Variants in PCDH11X observed in about 807,000 individuals in gnomAD.
PCDH11X encodes protocadherin-11 X-linked.
PCDH11X carries 18 observed loss-of-function variants against 53.3 expected under a neutral mutation model. That is an observed-to-expected ratio of 0.34 (90% CI 0.23 to 0.50). The LOEUF is 0.50. Ranked by LOEUF, PCDH11X falls within the 20% of genes least tolerant of loss-of-function variation. The pLI is 0.98. For missense variants in PCDH11X, 570 were observed against 1,032.4 expected (o/e 0.55, Z 6.14); for synonymous variants, 279 against 393.3 (o/e 0.71, Z 3.44).
At chrX:92,371,537 G>C (rs1332624010) in intron 8 of PCDH11X, among the ~76,000 whole-genome samples, 1 of 110,319 alleles carries the variant, frequency 9.1e-6, no homozygotes, top group Non-Finnish European at 1.9e-5. Context: ...ACTCTCTTTT[G>C]CAAATGTGAG....
At chrX:92,207,039 T>A (rs866746300) in intron 7 of PCDH11X, among the ~76,000 whole-genome samples, 6 of 111,946 alleles carry the variant, frequency 5.4e-5, no homozygotes, top group Middle Eastern at 9.3e-3. Flanking sequence ...TAAAAATATT[T>A]TGATACATAA....
chrX:92,015,803 T>C (rs1241519111), intron 6 of PCDH11X, among the ~76,000 whole-genome samples: 1 of 111,911 alleles, frequency 8.9e-6, no homozygotes, highest in Admixed American at 9.5e-5. Context: ...TTGTCAATAT[T>C]GATATTTTGA....
chrX:91,912,116 T>C (rs1476597934), intron 6 of PCDH11X, among the ~76,000 whole-genome samples: 9 of 112,246 alleles, frequency 8.0e-5, no homozygotes, highest in African/African-American at 2.6e-4. Context: ...TACTGATTTT[T>C]GTATGTTGAT....
chrX:92,305,691 A>G (rs1955773185), intron 8 of PCDH11X, among the ~76,000 whole-genome samples: 1 of 108,742 alleles, frequency 9.2e-6, no homozygotes, highest in South Asian at 4.1e-4. Flanking sequence ...ACTTCATCAC[A>G]TCTTTTCACA....
At chrX:91,856,664 G>A (rs1173367017) in intron 5 of PCDH11X, among the ~76,000 whole-genome samples, 5 of 109,959 alleles carry the variant, frequency 4.5e-5, no homozygotes, top group African/African-American at 1.0e-4. Flanking sequence ...ATGCGTTCTC[G>A]TTGTTCAGAT....
At chrX:92,589,477 C>T (rs1466886296) in intron 10 of PCDH11X, among the ~76,000 whole-genome samples, 1 of 111,683 alleles carries the variant, frequency 9.0e-6, no homozygotes, top group Non-Finnish European at 1.9e-5. Context: ...TATTAGTTTA[C>T]TTTTTGCTTG....
At position 92,201,329 on chromosome X, in the gene PCDH11X, T is replaced by A. The variant is rs751457942; in HGVS notation, c.3034-46T>A. 4.3e-6 allele frequency: 5 copies of A among 1,176,157 alleles called. No homozygotes were observed. The East Asian group carries it at 1.5e-4, about 36-fold the overall frequency. On this transcript the variant is annotated intron_variant, in intron 6 of 10. Coordinates refer to ENST00000682573, the MANE Select transcript of PCDH11X (RefSeq NM_032968.5). The stretch of plus-strand genomic sequence containing the variant: ...ATATGAAATGTACTGTGTATTTTAC[T>A]TTTAACAAACAGCTTAAAATACTTC...
intron 6 of PCDH11X, among the ~76,000 whole-genome samples, chrX:91,945,181 ATAT>A (rs1171221218): frequency 9.5e-6 from 1 of 104,718 alleles, no homozygotes; most frequent in Non-Finnish European, 2.0e-5. Flanking sequence ...TTAAAGAAAA[ATAT>A]TATTCGGGTA....
intron 6 of PCDH11X, among the ~76,000 whole-genome samples, chrX:92,016,459 C>A (rs928867080): frequency 9.1e-6 from 1 of 109,921 alleles, no homozygotes; most frequent in African/African-American, 3.3e-5. Flanking sequence ...AGTGTAGCCA[C>A]CTTCATTAAT....
chrX:91,995,998 G>A (rs1299420309), intron 6 of PCDH11X, among the ~76,000 whole-genome samples: 3 of 106,662 alleles, frequency 2.8e-5, no homozygotes, highest in East Asian at 3.0e-4. Flanking sequence ...CCGCCACCAC[G>A]CCTGGCTAAT....
intron 4 of PCDH11X, among the ~76,000 whole-genome samples, chrX:91,813,551 T>C (rs1326679263): frequency 9.5e-6 from 1 of 105,569 alleles, no homozygotes; most frequent in Non-Finnish European, 1.9e-5. Context: ...GAAAGATATT[T>C]CTTAGAAGCA....
At chrX:92,218,876 G>T (rs1278524294) in intron 7 of PCDH11X, among the ~76,000 whole-genome samples, 1 of 111,679 alleles carries the variant, frequency 9.0e-6, no homozygotes, top group Non-Finnish European at 1.9e-5. Flanking sequence ...TCCCTGGGAT[G>T]CAAGGCTGGT....
intron 8 of PCDH11X, among the ~76,000 whole-genome samples, chrX:92,387,322 C>G (rs2071030694): frequency 8.9e-6 from 1 of 111,914 alleles, no homozygotes. Context: ...AGCTCACTAG[C>G]AACTTACAGA....
intron 10 of PCDH11X, among the ~76,000 whole-genome samples, chrX:92,590,279 A>G (rs1039920572): frequency 9.0e-5 from 10 of 111,174 alleles, no homozygotes; most frequent in Middle Eastern, 9.3e-3. Flanking sequence ...CATCATGTCT[A>G]TTAAACTCTT....
chrX:91,822,749 C>A (rs1165811054), intron 4 of PCDH11X, among the ~76,000 whole-genome samples: 1 of 110,755 alleles, frequency 9.0e-6, no homozygotes, highest in African/African-American at 3.3e-5. Flanking sequence ...TTTTCTAGTT[C>A]TTTTAATTAT....
intron 6 of PCDH11X, among the ~76,000 whole-genome samples, chrX:92,024,729 A>C (rs1413767653): frequency 2.8e-5 from 3 of 108,193 alleles, no homozygotes; most frequent in East Asian, 2.9e-4. Flanking sequence ...AAAAAAAAAA[A>C]AAAAAAAACA....
At chrX:92,004,057 A>C (rs1409977128) in intron 6 of PCDH11X, among the ~76,000 whole-genome samples, 1 of 108,911 alleles carries the variant, frequency 9.2e-6, no homozygotes, top group Non-Finnish European at 1.9e-5. Context: ...CTTTTGCTGT[A>C]TTCCATAGGT....
chrX:92,402,991 G>A (rs906431279), intron 9 of PCDH11X, among the ~76,000 whole-genome samples: 1 of 109,187 alleles, frequency 9.2e-6, no homozygotes, highest in African/African-American at 3.3e-5. Flanking sequence ...GTGCGTGTGT[G>A]TATATATATG....
chrX:92,364,632 G>A (rs1311380241), intron 8 of PCDH11X, among the ~76,000 whole-genome samples: 4 of 110,401 alleles, frequency 3.6e-5, no homozygotes, highest in African/African-American at 1.3e-4. Flanking sequence ...AGTAATAAAT[G>A]AACCTTAGCT....
Sources: gnomAD v4.1 joint callset for allele counts (sites outside exome capture counted in the v4.1 genomes callset) on GRCh38, gnomAD v4.1.1 for gene constraint, MANE v1.5 for transcripts, NCBI Gene and HGNC (gene_info 2026-07-23, HGNC 2026-07-21) for gene names.